Variants in ZMYM1 observed in about 807,000 individuals in gnomAD.
ZMYM1 encodes the protein zinc finger MYM-type containing 1.
Under a neutral mutation model 60.0 loss-of-function variants are expected in ZMYM1, and 39 were observed. The ratio of observed to expected loss-of-function variants is 0.65; its 90% CI spans 0.50 to 0.85. The LOEUF (loss-of-function observed/expected upper bound fraction) is 0.85, where lower values mean the gene tolerates loss of function less well. ZMYM1 is among the 40% of genes least tolerant of loss of function. The pLI is 0.00. For missense variants in ZMYM1, 1,171 were observed against 1,309.5 expected (o/e 0.89, Z 1.63); for synonymous variants, 413 against 454.0 (o/e 0.91, Z 1.15).
At chr1:35,065,327 A>G (rs767954136) in intron 1 of ZMYM1, among the ~76,000 whole-genome samples, 14 of 152,002 alleles carry the variant, frequency 9.2e-5, no homozygotes, top group Non-Finnish European at 1.9e-4. Context: ...ACCCATTTAC[A>G]CATAATGAAT....
At chr1:35,091,887 C>CAAAAAAAA (rs779081046) in intron 1 of ZMYM1, among the ~76,000 whole-genome samples, 1 of 84,520 alleles carries the variant, frequency 1.2e-5, no homozygotes, top group African/African-American at 4.9e-5. Context: ...GATCTTGTCT[C>CAAAAAAAA]AAAAAAAAAA....
At chr1:35,106,677 A>T (rs1456171401) in intron 6 of ZMYM1, among the ~76,000 whole-genome samples, 1 of 151,678 alleles carries the variant, frequency 6.6e-6, no homozygotes, top group Non-Finnish European at 1.5e-5. Flanking sequence ...CAAATAGATC[A>T]TTTGTGACTC....
intron 5 of ZMYM1, 26 bp downstream of exon 5, chr1:35,104,495 G>A (rs749192994): frequency 6.2e-7 from 1 of 1,610,580 alleles, no homozygotes; most frequent in Non-Finnish European, 8.5e-7. Flanking sequence ...AACCTTTACA[G>A]GGATTCTGAT....
intron 6 of ZMYM1, 108 bp from the exon 7 acceptor site, chr1:35,110,182 CTTAA>C (rs796272145): frequency 2.7e-5 from 22 of 809,566 alleles, no homozygotes; most frequent in African/African-American, 2.3e-4. Flanking sequence ...TAAAAACTGT[CTTAA>C]TTGTTATTCT....
At chr1:35,086,150 A>G (rs1642642788) in intron 1 of ZMYM1, among the ~76,000 whole-genome samples, 1 of 152,230 alleles carries the variant, frequency 6.6e-6, no homozygotes, top group African/African-American at 2.4e-5. Flanking sequence ...ATTTCATTAT[A>G]TAAATCACTG....
intron 1 of ZMYM1, among the ~76,000 whole-genome samples, chr1:35,082,697 T>G (rs1403835536): frequency 6.7e-6 from 1 of 149,594 alleles, no homozygotes; most frequent in Non-Finnish European, 1.5e-5. Flanking sequence ...TTTCCTTTAG[T>G]GGCCGGGCGT....
chr1:35,073,058 G>A (rs1642095571), intron 1 of ZMYM1, among the ~76,000 whole-genome samples: 2 of 151,360 alleles, frequency 1.3e-5, no homozygotes, highest in South Asian at 2.1e-4. Flanking sequence ...CTCCAGCCTG[G>A]GTGACAGAGT....
chr1:35,081,032 C>G lies in ZMYM1; in HGVS notation c.-75+1590C>G, dbSNP rs181181390. The stretch of plus-strand genomic sequence containing the variant: ...GATCTCAGCTCACTGCAACCTCCAC[C>G]TCCAGTTCAAGTGATTCTCCTGCCT... On this transcript the variant is annotated intron_variant, in intron 1 of 9. Coordinates refer to ENST00000359858, the MANE Select transcript of ZMYM1 (RefSeq NM_024772.5). 1.6e-3 allele frequency among the ~76,000 whole-genome samples: 249 copies of G among 152,158 alleles called. 4 individuals are homozygous for G. In the Middle Eastern group the frequency reaches 0.017, roughly 10 times the overall value.
downstream of ZMYM1, chr1:35,115,886 T>G (rs543246887): frequency 3.3e-5 from 5 of 152,364 alleles, no homozygotes; most frequent in South Asian, 1.0e-3. Flanking sequence ...AATCTCTTAC[T>G]TTAAAAATGG....
chr1:35,079,261 T>C (rs1394177794), upstream of ZMYM1: 1 of 152,100 alleles, frequency 6.6e-6, no homozygotes, highest in African/African-American at 2.4e-5. Context: ...CCCCTCCCCC[T>C]CTCCCACTTC....
rs530593329 is a variant in ZMYM1, at chr1:35,103,773, A to G, written c.420-522A>G. 2.6e-5 allele frequency among the ~76,000 whole-genome samples: 4 copies of G among 152,330 alleles called. No individual in the cohort carries two copies. The South Asian group carries it at 8.3e-4, about 32-fold the overall frequency. On this transcript the variant is annotated intron_variant, in intron 4 of 9. Coordinates refer to ENST00000359858, the MANE Select transcript of ZMYM1 (RefSeq NM_024772.5). ...GTGAAAAAGCAAATAACATCTTACTATGAAAATAGTTTTGATCTTGGGGAC... is the reference window on the plus strand; with the variant it reads ...GTGAAAAAGCAAATAACATCTTACTGTGAAAATAGTTTTGATCTTGGGGAC...
chr1:35,073,377 A>G (rs867403272), intron 1 of ZMYM1, among the ~76,000 whole-genome samples: 15 of 82,194 alleles, frequency 1.8e-4, no homozygotes, highest in East Asian at 9.8e-4. Flanking sequence ...AAGGAAGGAA[A>G]GAAAGGAAAG....
chr1:35,073,483 A>G (rs1642110391), intron 1 of ZMYM1, among the ~76,000 whole-genome samples: 1 of 151,818 alleles, frequency 6.6e-6, no homozygotes, highest in African/African-American at 2.4e-5. Flanking sequence ...AGATTGCTCA[A>G]GTGAAGGAGT....
Position 35,115,300 on chromosome 1 carries a change from A to G in ZMYM1, c.*41A>G. ...ACTTACCTAAAAGACTTGTATTTCC[A>G]TTGGGATGTTTTCATTTCAAAATTG... On this transcript the variant is annotated 3_prime_UTR_variant, in exon 10 of 10. Transcript: ENST00000359858. 1.3e-6 allele frequency: 2 copies of G among 1,498,008 alleles called. No individual in the cohort carries two copies. Among genetic ancestry groups the G allele is most frequent in the South Asian group, 1.4e-5 (1 of 71,398 alleles). 92.8% of individuals were successfully genotyped at this position (1,498,008 alleles called of 1,614,324 possible).
At chr1:35,070,895 G>T (rs1395552834) in intron 1 of ZMYM1, among the ~76,000 whole-genome samples, 6 of 151,236 alleles carry the variant, frequency 4.0e-5, no homozygotes, top group African/African-American at 1.2e-4. Flanking sequence ...TGGTTTTTGG[G>T]TTTTTTTGAG....
intron 1 of ZMYM1, among the ~76,000 whole-genome samples, chr1:35,086,274 C>A (rs921682730): frequency 6.6e-6 from 1 of 151,628 alleles, no homozygotes; most frequent in Admixed American, 6.6e-5. Context: ...AAGGTTTTTT[C>A]CCAAAATTTT....
At chr1:35,096,242 G>A (rs1366249868) in intron 3 of ZMYM1, among the ~76,000 whole-genome samples, 2 of 151,680 alleles carry the variant, frequency 1.3e-5, no homozygotes, top group African/African-American at 4.8e-5. Context: ...AACCTGGGAG[G>A]CAGAGGTTGT....
rs755092530 is a variant in ZMYM1, at chr1:35,113,656, T to C, written c.1826T>C (p.Val609Ala). 3 of 1,612,678 alleles carry C rather than the reference T, an allele frequency of 1.9e-6. No individual in the cohort carries two copies. The highest frequency in any genetic ancestry group is 2.5e-6 in the Non-Finnish European group (3 of 1,179,580). Reference sequence around the variant, plus strand: ...ACATTTCGACTTATGAATTCACAAGTTGACTTCTATAACAGTACACAAATT... The same window carrying C: ...ACATTTCGACTTATGAATTCACAAGCTGACTTCTATAACAGTACACAAATT... Reference protein sequence around the residue: ...EETFRLMNSQVDFYNSTQIQS... With the variant: ...EETFRLMNSQADFYNSTQIQS... Residue 609 changes from valine (V) to alanine (A), a missense_variant, in exon 10 of 10, where the codon GTT (valine) becomes GCT (alanine). Transcript: ENST00000359858.
chr1:35,088,980 T>G (rs2148504012), intron 1 of ZMYM1, among the ~76,000 whole-genome samples: 1 of 151,646 alleles, frequency 6.6e-6, no homozygotes, highest in East Asian at 2.0e-4. Context: ...CCCGGCTAAT[T>G]TTTTGTATTT....
Sources: allele counts gnomAD v4.1 joint callset (sites outside exome capture counted in the v4.1 genomes callset), GRCh38; gene constraint gnomAD v4.1.1; transcripts MANE v1.5; gene names NCBI Gene and HGNC (gene_info 2026-07-23, HGNC 2026-07-21).